The following FANCB variants were observed in gnomAD, a reference collection of about 807,000 sequenced individuals.
The protein encoded by FANCB is Fanconi anemia group B protein.
Under a neutral mutation model 38.9 loss-of-function variants are expected in FANCB, and 5 were observed. That is an observed-to-expected ratio of 0.13 (90% confidence interval 0.07 to 0.27). FANCB has a LOEUF of 0.27. FANCB is among the 10% of genes least tolerant of loss of function. The pLI, the probability that FANCB is intolerant of heterozygous loss-of-function variation, is 1.00. For synonymous variants in FANCB, 236 were observed against 215.4 expected, an observed-to-expected ratio of 1.10 and a Z score of -0.84; for missense variants, 573 against 602.7, an observed-to-expected ratio of 0.95 and a Z score of 0.52.
At chrX:14,709,568 G>T in the FANCB span, among the ~76,000 whole-genome samples, 1 of 112,213 alleles carries the variant, frequency 8.9e-6, no homozygotes, top group Non-Finnish European at 1.9e-5. Context: ...TTTCCAGCAA[G>T]AGTTGCGTAT....
the FANCB span, among the ~76,000 whole-genome samples, chrX:14,803,202 G>A: frequency 3.6e-5 from 4 of 112,091 alleles, no homozygotes; most frequent in East Asian, 1.1e-3. Context: ...TGCATGGGTG[G>A]AGAAGAGTTA....
chrX:14,788,681 T>G, the FANCB span, among the ~76,000 whole-genome samples: 17 of 112,578 alleles, frequency 1.5e-4, no homozygotes, highest in Admixed American at 1.2e-3. Flanking sequence ...GCTATTTGAC[T>G]TTCAATTTAA....
At chrX:14,834,379 C>T (rs2092335574), downstream of FANCB, 3 of 350,664 alleles carry the variant, frequency 8.6e-6, no homozygotes, top group Non-Finnish European at 1.5e-5. Flanking sequence ...GGAAAGTTCT[C>T]ACTCTGCATT....
the FANCB span, among the ~76,000 whole-genome samples, chrX:14,715,805 G>A: frequency 9.0e-6 from 1 of 111,678 alleles, no homozygotes; most frequent in African/African-American, 3.3e-5. Flanking sequence ...ACACAAAGGA[G>A]CTTGGGAGTG....
the FANCB span, among the ~76,000 whole-genome samples, chrX:14,799,399 A>AAGATATAC: frequency 8.9e-6 from 1 of 112,373 alleles, no homozygotes; most frequent in South Asian, 3.7e-4. Context: ...CAGTATCATT[A>AAGATATAC]AGATATACAG....
the FANCB span, among the ~76,000 whole-genome samples, chrX:14,734,631 C>T: frequency 8.9e-6 from 1 of 112,045 alleles, no homozygotes. Flanking sequence ...GGTAACCCAA[C>T]CTTTCTCTCT....
chrX:14,857,647 T>C (rs1233644042), intron 5 of FANCB, among the ~76,000 whole-genome samples: 8 of 111,698 alleles, frequency 7.2e-5, no homozygotes, highest in Non-Finnish European at 5.7e-5. Flanking sequence ...ATTAAATCTA[T>C]ATAGTCTTAC....
intron 3 of FANCB, 76 bp from the exon 4 acceptor site, chrX:14,859,410 G>T: frequency 1.4e-6 from 1 of 700,865 alleles, no homozygotes; most frequent in Non-Finnish European, 2.2e-6. Flanking sequence ...AAGTCCTTTT[G>T]TTTCATGTAG....
At chrX:14,781,414 A>G in the FANCB span, among the ~76,000 whole-genome samples, 1 of 111,670 alleles carries the variant, frequency 9.0e-6, no homozygotes, top group African/African-American at 3.3e-5. Flanking sequence ...AGCCTGGGTG[A>G]TGGAATGAGA....
chrX:14,865,738 ATTC>A, intron 2 of FANCB, among the ~76,000 whole-genome samples, 158 bp from the exon 3 acceptor site: 1 of 112,326 alleles, frequency 8.9e-6, no homozygotes, highest in Admixed American at 9.4e-5. Context: ...TATAAAAAAA[ATTC>A]TAAATATTAT....
chrX:14,867,773 A>G (rs1157124962), intron 2 of FANCB, among the ~76,000 whole-genome samples: 1 of 111,015 alleles, frequency 9.0e-6, no homozygotes, highest in Non-Finnish European at 1.9e-5. Context: ...AAAAAAAAAA[A>G]AAAAGTAAAG....
the FANCB span, among the ~76,000 whole-genome samples, chrX:14,755,957 T>G: frequency 8.9e-6 from 1 of 111,795 alleles, no homozygotes; most frequent in Non-Finnish European, 1.9e-5. Flanking sequence ...AACAGACATA[T>G]AGACCAATGG....
At chrX:14,811,089 T>TA in the FANCB span, among the ~76,000 whole-genome samples, 1 of 110,551 alleles carries the variant, frequency 9.0e-6, no homozygotes, top group African/African-American at 3.3e-5. Flanking sequence ...GAAGGAGAAA[T>TA]AAAATACTTT....
At chrX:14,835,886 T>C (rs1733979860), downstream of FANCB, 1 of 112,021 alleles carries the variant, frequency 8.9e-6, no homozygotes, top group African/African-American at 3.3e-5. Flanking sequence ...AAATTGAAAA[T>C]AAAATTACCA....
chrX:14,769,444 T>C, the FANCB span, among the ~76,000 whole-genome samples: 10 of 112,241 alleles, frequency 8.9e-5, no homozygotes, highest in African/African-American at 2.6e-4. Flanking sequence ...TTTATGTGCA[T>C]AAAGGTGTTT....
chrX:14,811,493 C>CA, the FANCB span, among the ~76,000 whole-genome samples: 1 of 109,845 alleles, frequency 9.1e-6, no homozygotes, highest in African/African-American at 3.3e-5. Flanking sequence ...CAATGGAAAA[C>CA]AAAAAAAGGC....
chrX:14,722,220 T>C, the FANCB span, among the ~76,000 whole-genome samples: 1 of 111,666 alleles, frequency 9.0e-6, no homozygotes, highest in African/African-American at 3.3e-5. Flanking sequence ...TGGTTCGGGG[T>C]CTCTCCTCTT....
the FANCB span, among the ~76,000 whole-genome samples, chrX:14,703,782 CCCTTGGTAAGT>C: frequency 3.6e-5 from 4 of 111,774 alleles, no homozygotes; most frequent in South Asian, 1.1e-3. Context: ...GCTTCCTCAA[CCCTTGGTAAGT>C]CAAGTCTCAG....
chrX:14,703,392 C>G, the FANCB span, among the ~76,000 whole-genome samples: 2 of 111,417 alleles, frequency 1.8e-5, no homozygotes, highest in South Asian at 3.8e-4. Flanking sequence ...TTTCTCTGAC[C>G]CTTCTTCCAT....
Sources: gnomAD v4.1 joint callset for allele counts (sites outside exome capture counted in the v4.1 genomes callset) on GRCh38, gnomAD v4.1.1 for gene constraint, MANE v1.5 for transcripts, NCBI Gene and HGNC (gene_info 2026-07-23, HGNC 2026-07-21) for gene names.